GLCCI1: variants seen among roughly 807,000 people sequenced by gnomAD.
GLCCI1 encodes glucocorticoid-induced transcript 1 protein.
In GLCCI1, 24 loss-of-function variants were observed where a neutral mutation model predicts 52.2. That is an observed-to-expected ratio of 0.46 (90% CI 0.33 to 0.65). The LOEUF (loss-of-function observed/expected upper bound fraction) is 0.65. Ranked by LOEUF, GLCCI1 falls within the 30% of genes least tolerant of loss-of-function variation. The pLI is 0.02. For synonymous variants in GLCCI1, 310 were observed against 276.5 expected, an observed-to-expected ratio of 1.12 and a Z score of -1.20; for missense variants, 704 against 701.5, an observed-to-expected ratio of 1.00 and a Z score of -0.04.
intron 1 of GLCCI1, among the ~76,000 whole-genome samples, chr7:7,991,483 G>A (rs1407878634): frequency 2.6e-5 from 4 of 151,970 alleles, no homozygotes; most frequent in Non-Finnish European, 4.4e-5. Context: ...CATTTTACAT[G>A]GCATAATTTG....
chr7:8,084,613 T>C (rs1051014258), intron 6 of GLCCI1: 1 of 259,896 alleles, frequency 3.8e-6, no homozygotes, highest in Non-Finnish European at 7.3e-6. Context: ...ACGTAATAAA[T>C]AACATATTTG....
rs142184448 is a variant in GLCCI1 at position 7,974,196 on chromosome 7, C to T, written c.457+4389C>T. Among the ~76,000 whole-genome samples the T allele has an allele frequency of 3.2e-3, 492 of 152,210 alleles. 4 individuals are homozygous for T. The highest frequency in any genetic ancestry group is 0.011 in the African/African-American group (469 of 41,538). On this transcript the variant is annotated intron_variant, in intron 1 of 7. Transcript: ENST00000223145. ...AGAACTATTTTTTTCCATCAGTTAT[C>T]TCATGGTGCCTAAAATTTCTAGATC...
At chr7:8,029,513 A>T (rs1206170823) in intron 3 of GLCCI1, among the ~76,000 whole-genome samples, 1 of 152,074 alleles carries the variant, frequency 6.6e-6, no homozygotes, top group East Asian at 1.9e-4. Context: ...GAAAAGAAGG[A>T]TGTTCACTTT....
chr7:8,008,579 G>A (rs1230729399), intron 2 of GLCCI1, among the ~76,000 whole-genome samples: 1 of 152,182 alleles, frequency 6.6e-6, no homozygotes, highest in Non-Finnish European at 1.5e-5. Flanking sequence ...ACAGGCATGA[G>A]CCACCATGCC....
At position 8,088,331 on chromosome 7, in the gene GLCCI1, A is replaced by G. The variant is rs1215999105; in HGVS notation, c.*1793A>G. ...CTTCTTTCCACCAAAGTTTGTCGTAATATTTTCTCCTGAAGGTGCATTCTG... is the reference window on the plus strand; with the variant it reads ...CTTCTTTCCACCAAAGTTTGTCGTAGTATTTTCTCCTGAAGGTGCATTCTG... On this transcript the variant is annotated 3_prime_UTR_variant, in exon 8 of 8. Transcript: ENST00000223145. The G allele has an allele frequency of 2.6e-5, 4 of 151,828 alleles. No homozygotes were observed. Among genetic ancestry groups the G allele is most frequent in the South Asian group, 2.1e-4 (1 of 4,812 alleles). 9.4% of individuals were successfully genotyped at this position (151,828 alleles called of 1,614,324 possible).
chr7:7,995,352 A>T (rs1780917999), intron 1 of GLCCI1, among the ~76,000 whole-genome samples: 2 of 152,160 alleles, frequency 1.3e-5, no homozygotes, highest in Non-Finnish European at 1.5e-5. Context: ...TCTACAAAAA[A>T]TACAAAAATT....
chr7:8,011,818 T>G (rs1047689248), intron 2 of GLCCI1, among the ~76,000 whole-genome samples: 2 of 152,050 alleles, frequency 1.3e-5, no homozygotes. Flanking sequence ...GTTTTTTGTT[T>G]TTTTGTTTGT....
chr7:7,980,924 A>G (rs1780601053), intron 1 of GLCCI1: 3 of 600,778 alleles, frequency 5.0e-6, no homozygotes, highest in African/African-American at 3.8e-5. Flanking sequence ...ATCCCTGATC[A>G]ATCACCAGAA....
At chr7:8,012,536 CT>C (rs1414967632) in intron 2 of GLCCI1, among the ~76,000 whole-genome samples, 2 of 143,876 alleles carry the variant, frequency 1.4e-5, no homozygotes, top group Admixed American at 7.2e-5. Flanking sequence ...GCTCCACCTC[CT>C]GGGTTCATGC....
At chr7:8,075,071 T>G (rs540306745) in intron 6 of GLCCI1, among the ~76,000 whole-genome samples, 1 of 152,312 alleles carries the variant, frequency 6.6e-6, no homozygotes, top group Non-Finnish European at 1.5e-5. Context: ...TAACATCATT[T>G]TTGTGTGTTC....
At chr7:7,999,386 T>C (rs1447888052) in intron 1 of GLCCI1, among the ~76,000 whole-genome samples, 1 of 152,150 alleles carries the variant, frequency 6.6e-6, no homozygotes, top group African/African-American at 2.4e-5. Context: ...GGGGAAAGGA[T>C]TGCTTGAGGC....
intron 3 of GLCCI1, among the ~76,000 whole-genome samples, chr7:8,036,260 C>G (rs964787860): frequency 1.3e-5 from 2 of 152,292 alleles, no homozygotes; most frequent in Admixed American, 1.3e-4. Context: ...ACTTCTACAA[C>G]TAGTATTTGA....
intron 3 of GLCCI1, 49 bp downstream of exon 3, chr7:8,022,618 T>C (rs771066555): frequency 1.7e-6 from 2 of 1,179,550 alleles, no homozygotes; most frequent in Admixed American, 2.2e-5. Context: ...TCCTAGTAGA[T>C]TACCTTAGTA....
At chr7:8,071,934 G>A (rs777068998) in intron 6 of GLCCI1, among the ~76,000 whole-genome samples, 1 of 151,890 alleles carries the variant, frequency 6.6e-6, no homozygotes, top group Non-Finnish European at 1.5e-5. Flanking sequence ...AATCTTGCAG[G>A]AGTTTTATGG....
chr7:8,060,590 CCTT>C (rs1782492134), intron 5 of GLCCI1, among the ~76,000 whole-genome samples: 1 of 152,126 alleles, frequency 6.6e-6, no homozygotes, highest in South Asian at 2.1e-4. Context: ...TACAACGTGG[CCTT>C]CTTAACTGGA....
chr7:8,074,151 TAG>T (rs1227404731), intron 6 of GLCCI1, among the ~76,000 whole-genome samples: 4 of 152,138 alleles, frequency 2.6e-5, no homozygotes, highest in Non-Finnish European at 4.4e-5. Flanking sequence ...AGTGGAGAAA[TAG>T]AGATGAATAA....
intron 4 of GLCCI1, among the ~76,000 whole-genome samples, chr7:8,056,977 AAATC>A (rs1484572870): frequency 6.6e-6 from 1 of 152,208 alleles, no homozygotes; most frequent in Non-Finnish European, 1.5e-5. Context: ...TATATTTAGA[AAATC>A]AAAGTGAATT....
intron 1 of GLCCI1, among the ~76,000 whole-genome samples, chr7:7,970,731 T>TG (rs922865996): frequency 2.2e-4 from 33 of 152,136 alleles, no homozygotes; most frequent in African/African-American, 8.0e-4. Flanking sequence ...AGTTGAGCCC[T>TG]GGGGGAGAAA....
chr7:8,011,219 G>A (rs950557903), intron 2 of GLCCI1, among the ~76,000 whole-genome samples: 23 of 151,882 alleles, frequency 1.5e-4, no homozygotes, highest in Non-Finnish European at 1.9e-4. Context: ...TCACATTATT[G>A]TACAACCATT....
Sources: gnomAD v4.1 joint callset for allele counts (sites outside exome capture counted in the v4.1 genomes callset) on GRCh38, gnomAD v4.1.1 for gene constraint, MANE v1.5 for transcripts, NCBI Gene and HGNC (gene_info 2026-07-23, HGNC 2026-07-21) for gene names.